The following RBFOX1 variants were observed in gnomAD, a reference collection of about 807,000 sequenced individuals.
RBFOX1 encodes the protein RNA binding fox-1 homolog 1, also known as RNA binding protein fox-1 homolog 1.
RBFOX1 carries 8 observed loss-of-function variants against 57.7 expected under a neutral mutation model. The observed-to-expected ratio is 0.14, with a 90% CI of 0.08 to 0.25. RBFOX1 has a LOEUF of 0.25. Ranked by LOEUF, RBFOX1 falls within the 10% of genes least tolerant of loss-of-function variation. The pLI is 1.00. For synonymous variants in RBFOX1, 326 were observed against 222.4 expected, an observed-to-expected ratio of 1.47 and a Z score of -4.15; for missense variants, 611 against 548.5, an observed-to-expected ratio of 1.11 and a Z score of -1.14.
chr16:6,766,381 T>A (rs546771402), intron 3 of RBFOX1, among the ~76,000 whole-genome samples: 18 of 152,094 alleles, frequency 1.2e-4, no homozygotes, highest in African/African-American at 4.3e-4. Flanking sequence ...TGTTTTTTCA[T>A]TGTAAATATT....
intron 3 of RBFOX1, among the ~76,000 whole-genome samples, chr16:6,666,655 C>A (rs1387119100): frequency 6.6e-6 from 1 of 152,068 alleles, no homozygotes; most frequent in African/African-American, 2.4e-5. Flanking sequence ...GGCTGTACTG[C>A]CTCTTCCAAG....
intron 2 of RBFOX1, among the ~76,000 whole-genome samples, chr16:5,595,125 G>A (rs1489824665): frequency 1.3e-5 from 2 of 152,070 alleles, no homozygotes; most frequent in African/African-American, 2.4e-5. Context: ...TAGCCTGGGT[G>A]TCAGAGCAAG....
downstream of RBFOX1, among the ~76,000 whole-genome samples, chr16:5,600,982 G>A (rs557464501): frequency 6.6e-6 from 1 of 152,236 alleles, no homozygotes; most frequent in South Asian, 2.1e-4. Context: ...CTTACCCTCT[G>A]ACCCACCTGC....
intron 3 of RBFOX1, among the ~76,000 whole-genome samples, chr16:5,623,704 C>G (rs2048265907): frequency 6.6e-6 from 1 of 152,102 alleles, no homozygotes; most frequent in African/African-American, 2.4e-5. Context: ...TTTTCTCTCT[C>G]ATTTGTTTTC....
chr16:7,606,118 AT>A (rs34232105), intron 9 of RBFOX1, among the ~76,000 whole-genome samples: 1,633 of 114,602 alleles, frequency 0.014, 20 homozygotes, highest in African/African-American at 0.04. Flanking sequence ...ACCTGCATGG[AT>A]TTTTTTTTTT....
In RBFOX1 at chr16:6,671,952, A is replaced by G. The variant is rs529807103; in HGVS notation, c.-16+17302A>G. Among the ~76,000 whole-genome samples, 4 of 152,368 alleles carry G rather than the reference A, an allele frequency of 2.6e-5. No homozygotes were observed. In the South Asian group the frequency reaches 8.3e-4, roughly 32 times the overall value. On this transcript the variant is annotated intron_variant, in intron 3 of 15. Coordinates refer to ENST00000550418, the MANE Select transcript of RBFOX1 (RefSeq NM_018723.4). ...TTGCGACTACTAAGTAGATAGGATG[A>G]TAATGCGAAATAACAATATCGAACA...
chr16:5,807,246 C>A (rs1484555001), intron 3 of RBFOX1, among the ~76,000 whole-genome samples: 1 of 152,184 alleles, frequency 6.6e-6, no homozygotes, highest in Admixed American at 6.5e-5. Flanking sequence ...TCCCTCCTCT[C>A]CCTTCACGGG....
At chr16:6,907,244 C>T (rs900421971) in intron 3 of RBFOX1, among the ~76,000 whole-genome samples, 3 of 152,072 alleles carry the variant, frequency 2.0e-5, no homozygotes, top group Non-Finnish European at 4.4e-5. Flanking sequence ...GCAGGATGGC[C>T]CCCGAAGCAA....
At chr16:7,473,326 C>G (rs2061947393) in intron 4 of RBFOX1, among the ~76,000 whole-genome samples, 2 of 151,246 alleles carry the variant, frequency 1.3e-5, no homozygotes, top group South Asian at 4.2e-4. Context: ...TGTAGTGAGC[C>G]AAGATCACAC....
intron 4 of RBFOX1, among the ~76,000 whole-genome samples, chr16:7,492,949 G>C (rs936485902): frequency 3.9e-5 from 6 of 152,142 alleles, no homozygotes; most frequent in African/African-American, 1.4e-4. Flanking sequence ...TGCGATCTCA[G>C]CTCACTGCAA....
chr16:5,810,027 G>C (rs2055363873), intron 3 of RBFOX1, among the ~76,000 whole-genome samples: 1 of 152,148 alleles, frequency 6.6e-6, no homozygotes, highest in Admixed American at 6.5e-5. Flanking sequence ...CCTTTGTAGG[G>C]ACATGGATGA....
At chr16:6,030,063 A>G (rs2095266570) in intron 1 of RBFOX1, among the ~76,000 whole-genome samples, 2 of 152,108 alleles carry the variant, frequency 1.3e-5, no homozygotes, top group Non-Finnish European at 1.5e-5. Context: ...GGCATGTGCC[A>G]CCAAGCCTGG....
intron 2 of RBFOX1, among the ~76,000 whole-genome samples, chr16:6,356,141 A>G (rs1206532575): frequency 1.3e-5 from 2 of 152,344 alleles, no homozygotes; most frequent in African/African-American, 2.4e-5. Context: ...CAGATAATGT[A>G]TGCACAGCCT....
chr16:5,379,189 A>G (rs2151387694), intron 1 of RBFOX1, among the ~76,000 whole-genome samples: 2 of 151,808 alleles, frequency 1.3e-5, no homozygotes, highest in Middle Eastern at 6.8e-3. Flanking sequence ...CAAGGCACTG[A>G]CGGGGACCAC....
chr16:7,016,442 C>A (rs1013239693), intron 3 of RBFOX1, among the ~76,000 whole-genome samples: 3 of 152,148 alleles, frequency 2.0e-5, no homozygotes, highest in Non-Finnish European at 4.4e-5. Flanking sequence ...AATCTGGGCT[C>A]ATGTTTCTCA....
chr16:7,545,419 G>A (rs189346708), intron 5 of RBFOX1, among the ~76,000 whole-genome samples: 1 of 152,166 alleles, frequency 6.6e-6, no homozygotes, highest in Admixed American at 6.5e-5. Context: ...TCACCTCCCT[G>A]TCCAACAGAT....
At chr16:5,909,003 C>A (rs1196584091) in intron 4 of RBFOX1, among the ~76,000 whole-genome samples, 1 of 151,770 alleles carries the variant, frequency 6.6e-6, no homozygotes, top group Admixed American at 6.6e-5. Context: ...TTCCATCCTC[C>A]AGAACTGTGA....
rs140599699 is a variant in RBFOX1, at chr16:5,300,022, C to G, written c.219+59917C>G. Among the ~76,000 whole-genome samples, 14 of 151,032 alleles carry G rather than the reference C, an allele frequency of 9.3e-5. No individual in the cohort carries two copies. The East Asian group carries it at 2.7e-3, about 29-fold the overall frequency. ...ATCATGAATGGGTGTTAAATTTTGTCAAATGCTTTTTTTTTTGGGCATATA... is the reference window on the plus strand; with the variant it reads ...ATCATGAATGGGTGTTAAATTTTGTGAAATGCTTTTTTTTTTGGGCATATA... On this transcript the variant is annotated intron_variant, in intron 1 of 2. Transcript: ENST00000585867.
At chr16:6,909,002 A>C in intron 3 of RBFOX1, among the ~76,000 whole-genome samples, 1 of 152,160 alleles carries the variant, frequency 6.6e-6, no homozygotes, top group East Asian at 1.9e-4. Flanking sequence ...GAACATGCTT[A>C]GACTTCCATT....
Sources: gnomAD v4.1 joint callset for allele counts (sites outside exome capture counted in the v4.1 genomes callset) on GRCh38, gnomAD v4.1.1 for gene constraint, MANE v1.5 for transcripts, NCBI Gene and HGNC (gene_info 2026-07-23, HGNC 2026-07-21) for gene names.